Variants in USP32 observed in about 807,000 individuals in gnomAD.
USP32 encodes the protein ubiquitin specific peptidase 32.
USP32 carries 59 observed loss-of-function variants against 204.8 expected under a neutral mutation model. The observed-to-expected ratio is 0.29, with a 90% confidence interval of 0.23 to 0.36. The LOEUF (loss-of-function observed/expected upper bound fraction) is 0.36, where lower values mean the gene tolerates loss of function less well. Ranked by LOEUF, USP32 falls within the 10% of genes least tolerant of loss-of-function variation. USP32 has a pLI of 1.00. For missense variants in USP32, 1,160 were observed against 1,946.4 expected (o/e 0.60, Z 7.60); for synonymous variants, 517 against 678.4 (o/e 0.76, Z 3.70).
chr17:60,251,817 A>C (rs926154453), intron 11 of USP32, among the ~76,000 whole-genome samples: 1 of 152,120 alleles, frequency 6.6e-6, no homozygotes, highest in East Asian at 1.9e-4. Context: ...AATAATAGAG[A>C]ATGAACAGGA....
chr17:60,414,643 G>A, intron 1 of USP32, among the ~76,000 whole-genome samples: 1 of 151,482 alleles, frequency 6.6e-6, no homozygotes, highest in South Asian at 2.1e-4. Context: ...TGGTCAGGTT[G>A]GCCTCGAACT....
intron 15 of USP32, among the ~76,000 whole-genome samples, chr17:60,221,562 T>C (rs180873243): frequency 6.6e-6 from 1 of 151,336 alleles, no homozygotes; most frequent in Non-Finnish European, 1.5e-5. Flanking sequence ...AGGAGTGCAA[T>C]GGTGTGCAGT....
intron 2 of USP32, among the ~76,000 whole-genome samples, chr17:60,335,112 A>C (rs2088484836): frequency 7.0e-6 from 1 of 142,178 alleles, no homozygotes; most frequent in Admixed American, 6.8e-5. Flanking sequence ...AGTAGCTGAG[A>C]CTACAGGCGT....
chr17:60,237,514 C>T (rs190725066), intron 11 of USP32, among the ~76,000 whole-genome samples: 1 of 152,122 alleles, frequency 6.6e-6, no homozygotes, highest in East Asian at 1.9e-4. Context: ...TGCTGTGTGA[C>T]CACCTCTTAT....
chr17:60,356,541 TAA>T (rs1056542575), intron 1 of USP32, among the ~76,000 whole-genome samples: 16 of 152,170 alleles, frequency 1.1e-4, no homozygotes, highest in African/African-American at 3.9e-4. Context: ...AAGGCATTTT[TAA>T]AAGTCTCTGT....
At chr17:60,340,593 A>G (rs1257747528) in intron 2 of USP32, among the ~76,000 whole-genome samples, 11 of 152,192 alleles carry the variant, frequency 7.2e-5, no homozygotes, top group Admixed American at 7.2e-4. Flanking sequence ...TCCTGAATAC[A>G]GCACACTGAT....
intron 12 of USP32, among the ~76,000 whole-genome samples, 197 bp from the exon 13 acceptor site, chr17:60,226,428 G>A (rs1419491552): frequency 6.6e-6 from 1 of 152,026 alleles, no homozygotes; most frequent in African/African-American, 2.4e-5. Flanking sequence ...AAATTGGCAA[G>A]GTAGACAAAA....
At chr17:60,347,935 G>A (rs956461653) in intron 1 of USP32, among the ~76,000 whole-genome samples, 2 of 151,790 alleles carry the variant, frequency 1.3e-5, no homozygotes, top group East Asian at 4.0e-4. Context: ...ATCCTGGCTA[G>A]CACAATGAAA....
At chr17:60,340,414 C>CA (rs747234862) in intron 2 of USP32, among the ~76,000 whole-genome samples, 1 of 152,136 alleles carries the variant, frequency 6.6e-6, no homozygotes, top group African/African-American at 2.4e-5. Flanking sequence ...CACGATTCTA[C>CA]AAAAAATACA....
chr17:60,368,863 A>G (rs2089373342), intron 1 of USP32, among the ~76,000 whole-genome samples: 2 of 152,138 alleles, frequency 1.3e-5, no homozygotes, highest in African/African-American at 4.8e-5. Context: ...TGGACTTCAT[A>G]TAATGCAATC....
At chr17:60,256,774 T>C (rs2086318344) in intron 9 of USP32, 8 of 1,187,750 alleles carry the variant, frequency 6.7e-6, no homozygotes, top group Non-Finnish European at 1.1e-6. Context: ...AAATCAAGTA[T>C]ACAAAAAACT....
rs140063471 is a variant in USP32 at position 60,224,623 on chromosome 17, C to A, written c.1433-1037G>T. Among the ~76,000 whole-genome samples, 5 of 152,228 alleles carry A rather than the reference C, an allele frequency of 3.3e-5. No homozygotes were observed. In the East Asian group the frequency reaches 9.7e-4, roughly 29 times the overall value. ...AACATGAGACCTCGTCTCTACAAAA[C>A]AATTAAAAAATTAGCTGTGTGTGGC... On this transcript the variant is annotated intron_variant, in intron 13 of 33. Transcript: ENST00000300896.
At chr17:60,294,541 T>C (rs935500555) in intron 4 of USP32, 142 bp downstream of exon 4, 6 of 536,074 alleles carry the variant, frequency 1.1e-5, no homozygotes, top group Non-Finnish European at 1.9e-5. Context: ...CAATAGCACA[T>C]AAATGGAAAC....
At chr17:60,285,874 C>T (rs1369121882) in intron 5 of USP32, among the ~76,000 whole-genome samples, 3 of 152,012 alleles carry the variant, frequency 2.0e-5, no homozygotes, top group Admixed American at 1.3e-4. Flanking sequence ...CAGTGGCTCA[C>T]GCCTGTAATC....
At chr17:60,377,876 C>A (rs1369305309) in intron 1 of USP32, among the ~76,000 whole-genome samples, 1 of 152,130 alleles carries the variant, frequency 6.6e-6, no homozygotes, top group Non-Finnish European at 1.5e-5. Flanking sequence ...ACCCTTTGCA[C>A]AATCTGTAAC....
intron 1 of USP32, among the ~76,000 whole-genome samples, chr17:60,372,313 A>C (rs899177097): frequency 6.6e-6 from 1 of 152,228 alleles, no homozygotes; most frequent in Non-Finnish European, 1.5e-5. Context: ...AATGACAGGA[A>C]TGCATCGTTA....
intron 1 of USP32, among the ~76,000 whole-genome samples, chr17:60,374,649 AG>A (rs1188407239): frequency 6.6e-6 from 1 of 152,212 alleles, no homozygotes; most frequent in Non-Finnish European, 1.5e-5. Context: ...CTGGGATTAC[AG>A]GTGGGAGCCA....
At chr17:60,414,977 G>C (rs759966874) in intron 1 of USP32, among the ~76,000 whole-genome samples, 1 of 151,946 alleles carries the variant, frequency 6.6e-6, no homozygotes, top group South Asian at 2.1e-4. Flanking sequence ...TCAGCCTCCT[G>C]AGTAGCTGGG....
intron 4 of USP32, among the ~76,000 whole-genome samples, chr17:60,289,191 G>A (rs1246174182): frequency 6.6e-6 from 1 of 152,082 alleles, no homozygotes; most frequent in Non-Finnish European, 1.5e-5. Context: ...GTATTTTTTA[G>A]TAAAGATGAG....
Sources: allele counts gnomAD v4.1 joint callset (sites outside exome capture counted in the v4.1 genomes callset), GRCh38; gene constraint gnomAD v4.1.1; transcripts MANE v1.5; gene names NCBI Gene and HGNC (gene_info 2026-07-23, HGNC 2026-07-21).